RFX7: variants seen among roughly 807,000 people sequenced by gnomAD.
RFX7 encodes the protein regulatory factor X7.
RFX7 carries 26 observed loss-of-function variants against 111.8 expected under a neutral mutation model. The observed-to-expected ratio is 0.23, with a 90% CI of 0.17 to 0.32. The LOEUF (loss-of-function observed/expected upper bound fraction) is 0.32. Ranked by LOEUF, RFX7 falls within the 10% of genes least tolerant of loss-of-function variation. The pLI is 1.00. For missense variants in RFX7, 1,573 were observed against 1,772.9 expected (o/e 0.89, Z 2.02); for synonymous variants, 624 against 624.4 (o/e 1.00, Z 0.01).
chr15:56,193,582 A>C (rs1233980025), intron 2 of RFX7, among the ~76,000 whole-genome samples: 6 of 152,188 alleles, frequency 3.9e-5, no homozygotes, highest in African/African-American at 1.4e-4. Context: ...TTAAAAAACA[A>C]AATTTCAGTA....
In RFX7 at chr15:56,095,691, C is replaced by G; in HGVS notation, c.2037G>C (p.Gln679His). Residue 679 changes from glutamine to histidine, a missense_variant, in exon 10 of 10, where the codon CAG (glutamine) becomes CAC (histidine). Coordinates refer to ENST00000559447, the MANE Select transcript of RFX7 (RefSeq NM_022841.7). ...GCCCTTCTATGGTAGCTGCTGAAAGCTGTTCCACAATTGGTTTCTTTACAG... is the reference window on the plus strand; with the variant it reads ...GCCCTTCTATGGTAGCTGCTGAAAGGTGTTCCACAATTGGTTTCTTTACAG... ...VPPVKKPIVE[Q>H]LSAATIEGQK... 6.2e-7 allele frequency: 1 copy of G among 1,614,006 alleles called. No homozygotes were observed. Among genetic ancestry groups the G allele is most frequent in the Non-Finnish European group, 8.5e-7 (1 of 1,179,874 alleles).
chr15:56,126,734 A>G (rs923748898), intron 5 of RFX7, among the ~76,000 whole-genome samples: 1 of 152,232 alleles, frequency 6.6e-6, no homozygotes, highest in African/African-American at 2.4e-5. Flanking sequence ...TGGCTACAGT[A>G]ACTGAAAAAG....
Position 56,096,037 on chromosome 15 carries a change from G to A in RFX7, c.1691C>T (p.Thr564Ile). The change falls in exon 10 of 10, where the codon ACA (threonine) becomes ATA (isoleucine). Residue 564 changes from threonine to isoleucine, a missense_variant. By Grantham distance (89) the Thr-to-Ile change is moderately conservative. This residue lies in a region of RFX7 where 625 missense variants were observed against 632.2 expected (regional missense o/e 0.99). Coordinates refer to ENST00000559447, the MANE Select transcript of RFX7 (RefSeq NM_022841.7). ...TTTCTGCCCCAAAAGGGCACTAGGT[G>A]TCTGGGGAGCTTTAGCCTCATCAGA... ...ENSDEAKAPQ[T>I]PSALLGQKSN... 1.9e-6 allele frequency: 3 copies of A among 1,613,208 alleles called. No homozygotes were observed. The highest frequency in any genetic ancestry group is 2.5e-6 in the Non-Finnish European group (3 of 1,179,554).
Position 56,094,251 on chromosome 15 carries a change from G to A in RFX7, c.3477C>T (p.Ser1159=). 1.9e-6 allele frequency: 3 copies of A among 1,613,944 alleles called. No homozygotes were observed. Among genetic ancestry groups the A allele is most frequent in the East Asian group, 2.2e-5 (1 of 44,874 alleles). ...TCACACTCCGGCATCTGAAGTTGCT[G>A]CTGGCAGATGAATTAGTTCCTTTAT... is the stretch of plus-strand genomic sequence containing the variant. ...LDNKGTNSSA[S]SNFRCRSVSP... is the part of the protein sequence containing the mutation. The change falls in exon 10 of 10, where the codon AGC becomes AGT. Residue 1159 remains serine (S), a synonymous_variant. Transcript: ENST00000559447.
chr15:56,106,836 G>T (rs1179491543), intron 5 of RFX7, among the ~76,000 whole-genome samples: 3 of 152,070 alleles, frequency 2.0e-5, no homozygotes, highest in Admixed American at 1.3e-4. Context: ...GCCATGTGGA[G>T]ATCTTGGTTA....
At chr15:56,131,521 A>C (rs963628622) in intron 5 of RFX7, among the ~76,000 whole-genome samples, 1 of 149,496 alleles carries the variant, frequency 6.7e-6, no homozygotes, top group Non-Finnish European at 1.5e-5. Context: ...GGCCTCCCAA[A>C]GTGTTGGGAT....
Position 56,093,939 on chromosome 15 carries a change from A to G in RFX7, c.3789T>C (p.Asp1263=), listed in dbSNP as rs1238049577. The part of the protein sequence containing the change: ...LLSKLDSDND[D]AVRGLGMNNL... ...TGTTCATTCCCAAACCTCTCACTGC[A>G]TCATCATTGTCGGAATCAAGTTTAC... Residue 1263 remains aspartate (D), a synonymous_variant, in exon 10 of 10, where the codon GAT becomes GAC. Transcript: ENST00000559447. 5.6e-6 allele frequency: 9 copies of G among 1,614,008 alleles called. No individual in the cohort carries two copies. Among genetic ancestry groups the G allele is most frequent in the Non-Finnish European group, 7.6e-6 (9 of 1,179,872 alleles).
At chr15:56,205,515 T>A (rs1257946647) in intron 2 of RFX7, among the ~76,000 whole-genome samples, 1 of 152,222 alleles carries the variant, frequency 6.6e-6, no homozygotes, top group Non-Finnish European at 1.5e-5. Flanking sequence ...TCACTCTCAT[T>A]ATGTTGACAC....
intron 6 of RFX7, among the ~76,000 whole-genome samples, chr15:56,102,608 C>T (rs1031078): frequency 1 from 152,345 of 152,346 alleles, 76,172 homozygotes; most frequent in Non-Finnish European, 1. Context: ...AGGGAAACTT[C>T]AGCCCAGGGC....
intron 2 of RFX7, among the ~76,000 whole-genome samples, chr15:56,214,087 T>C (rs150228244): frequency 1.8e-4 from 28 of 152,274 alleles, no homozygotes; most frequent in African/African-American, 6.7e-4. Flanking sequence ...CTAGGCTCAA[T>C]TCTTTTCCCT....
At chr15:56,242,975 G>A (rs1197648638) in intron 2 of RFX7, 150 bp downstream of exon 2, 1 of 543,386 alleles carries the variant, frequency 1.8e-6, no homozygotes, top group African/African-American at 2.0e-5. Context: ...CACCTCCAGA[G>A]ATCCTACAAA....
intron 3 of RFX7, among the ~76,000 whole-genome samples, chr15:56,150,992 A>C (rs2042561900): frequency 6.6e-6 from 1 of 152,158 alleles, no homozygotes. Flanking sequence ...TAATGAAATA[A>C]AGCGAGAAGA....
intron 5 of RFX7, among the ~76,000 whole-genome samples, chr15:56,112,443 G>A (rs566066030): frequency 2.1e-5 from 3 of 145,066 alleles, no homozygotes; most frequent in Admixed American, 6.9e-5. Flanking sequence ...GGGAAAACTC[G>A]CTAGCCATAT....
At chr15:56,236,159 C>A (rs1307119513) in intron 2 of RFX7, among the ~76,000 whole-genome samples, 6 of 152,090 alleles carry the variant, frequency 3.9e-5, no homozygotes, top group Non-Finnish European at 8.8e-5. Flanking sequence ...ACATAATTAA[C>A]CAAACCTCAT....
intron 2 of RFX7, among the ~76,000 whole-genome samples, chr15:56,220,101 GTTTTGATTTGC>G (rs1384548185): frequency 1.3e-5 from 2 of 152,052 alleles, no homozygotes; most frequent in Non-Finnish European, 2.9e-5. Context: ...TGACTAGATG[GTTTTGATTTGC>G]ATTTCTCTAA....
chr15:56,168,711 T>C (rs1320571579), intron 3 of RFX7, among the ~76,000 whole-genome samples: 2 of 152,220 alleles, frequency 1.3e-5, no homozygotes, highest in Middle Eastern at 3.4e-3. Context: ...ACTCTGGAGG[T>C]TGAAGTTCCT....
chr15:56,096,019 C>T lies in RFX7; in HGVS notation c.1709G>A (p.Gly570Glu), dbSNP rs750079002. The T allele has an allele frequency of 1.2e-6, 2 of 1,612,758 alleles. No homozygotes were observed. The highest frequency in any genetic ancestry group is 1.7e-6 in the Non-Finnish European group (2 of 1,179,460). Residue 570 changes from glycine (G) to glutamate (E), a missense_variant, in exon 10 of 10, where the codon GGG (glycine) becomes GAG (glutamate). By Grantham distance (98) the Gly-to-Glu change is moderately conservative (BLOSUM62 -2). Coordinates refer to ENST00000559447, the MANE Select transcript of RFX7 (RefSeq NM_022841.7). ...TGCTCCGTCTGTATTACTTTTCTGCCCCAAAAGGGCACTAGGTGTCTGGGG... is the reference window on the plus strand; with the variant it reads ...TGCTCCGTCTGTATTACTTTTCTGCTCCAAAAGGGCACTAGGTGTCTGGGG... ...KAPQTPSALLGQKSNTDGALQ... is the reference protein window; with the variant it reads ...KAPQTPSALLEQKSNTDGALQ...
At chr15:56,127,557 T>TA (rs1159749580) in intron 5 of RFX7, among the ~76,000 whole-genome samples, 48 of 151,368 alleles carry the variant, frequency 3.2e-4, no homozygotes, top group African/African-American at 1.0e-3. Flanking sequence ...AAGATTTTTT[T>TA]TTTTTTTTGA....
intron 2 of RFX7, among the ~76,000 whole-genome samples, chr15:56,199,113 A>G (rs759162667): frequency 6.6e-6 from 1 of 152,142 alleles, no homozygotes; most frequent in African/African-American, 2.4e-5. Context: ...ACACCTAAAA[A>G]CCTTCTGATG....
Sources: gnomAD v4.1 joint callset for allele counts (sites outside exome capture counted in the v4.1 genomes callset) on GRCh38, gnomAD v4.1.1 for gene constraint, gnomAD v4.1.1 regional missense constraint, MANE v1.5 for transcripts, NCBI Gene and HGNC (gene_info 2026-07-23, HGNC 2026-07-21) for gene names.